Variants in KLHL34 observed in about 807,000 individuals in gnomAD.
KLHL34 encodes kelch-like protein 34.
In KLHL34, 24 loss-of-function variants were observed where a neutral mutation model predicts 23.8. The observed-to-expected ratio is 1.01, with a 90% CI of 0.73 to 1.42. KLHL34 has a LOEUF of 1.42. KLHL34 is among the 40% of genes most tolerant of loss of function. KLHL34 has a pLI of 0.00. For missense variants in KLHL34, 652 were observed against 595.1 expected, an observed-to-expected ratio of 1.10 and a Z score of -0.99; for synonymous variants, 303 against 287.9, an observed-to-expected ratio of 1.05 and a Z score of -0.53.
In KLHL34 at chrX:21,656,928, C is replaced by T. The variant is rs139183650; in HGVS notation, c.861G>A (p.Gly287=). ...CAATCACCACCTCCCGTGCCCTGCG[C>T]CCCCCCACCAACAAGATGCGGGTCT... ...SPQTRILLVG[G]RRAREVVIEE... Residue 287 remains glycine (G), a synonymous_variant, in exon 1 of 1, where the codon GGG becomes GGA. Coordinates refer to ENST00000379499, the MANE Select transcript of KLHL34 (RefSeq NM_153270.3). 3.1e-5 allele frequency: 36 copies of T among 1,156,686 alleles called. No individual in the cohort carries two copies. Among genetic ancestry groups the T allele is most frequent in the Non-Finnish European group, 3.8e-5 (33 of 868,067 alleles).
In KLHL34 at chrX:21,657,191, C is replaced by T; in HGVS notation, c.598G>A (p.Ala200Thr). 8.3e-7 allele frequency: 1 copy of T among 1,203,327 alleles called. No homozygotes were observed. The highest frequency in any genetic ancestry group is 1.1e-6 in the Non-Finnish European group (1 of 892,271). Residue 200 changes from alanine (A) to threonine (T), a missense_variant, in exon 1 of 1, where the codon GCG becomes ACG. Physicochemically the swap from Ala to Thr is moderately conservative, Grantham distance 58. Coordinates refer to ENST00000379499, the MANE Select transcript of KLHL34 (RefSeq NM_153270.3). ...GGCTCCTGCCGCAACCAAGCTAACG[C>T]CAGGCCCAGTAGCCGGGCCTCGGGC... Reference protein sequence around the residue: ...RVPEARLLGLALAWLRQEPTT... With the variant: ...RVPEARLLGLTLAWLRQEPTT...
In KLHL34 at chrX:21,656,811, C is replaced by CTCCTCCTCT. The variant is rs1425531740; in HGVS notation, c.969_977dup (p.Glu327_Glu329dup). On this transcript the variant is annotated inframe_insertion, in exon 1 of 1. Coordinates refer to ENST00000379499, the MANE Select transcript of KLHL34 (RefSeq NM_153270.3). ...TCTGGGTGAGCTCCCACTCCTCCTC[C>CTCCTCCTCT]TCCTCCTCTTCCTCCAACTCTTCCT... is the stretch of plus-strand genomic sequence containing the variant. 1 of 1,192,343 alleles carries CTCCTCCTCT rather than the reference C, an allele frequency of 8.4e-7. No individual in the cohort carries two copies. Among genetic ancestry groups the CTCCTCCTCT allele is most frequent in the African/African-American group, 1.7e-5 (1 of 57,275 alleles).
Position 21,656,978 on chromosome X carries a change from C to G in KLHL34, c.811G>C (p.Glu271Gln). ...TPSRQPLMQG[E>Q]QTSIRSPQTR... is the part of the protein sequence containing the mutation. ...TGGGGGCTCCGGATGCTGGTCTGCT[C>G]GCCCTGCATGAGCGGCTGGCGGGAG... The change falls in exon 1 of 1, where the codon GAG becomes CAG. Residue 271 changes from glutamate (E) to glutamine (Q), a missense_variant. Physicochemically the swap from Glu to Gln is conservative, Grantham distance 29. Coordinates refer to ENST00000379499, the MANE Select transcript of KLHL34 (RefSeq NM_153270.3). The G allele has an allele frequency of 8.6e-7, 1 of 1,160,919 alleles. No individual in the cohort carries two copies. Among genetic ancestry groups the G allele is most frequent in the South Asian group, 2.0e-5 (1 of 49,390 alleles).
chrX:21,656,512 C>G lies in KLHL34; in HGVS notation c.1277G>C (p.Arg426Thr). Residue 426 changes from arginine to threonine, a missense_variant, in exon 1 of 1, where the codon AGG becomes ACG. By Grantham distance (71) the Arg-to-Thr change is moderately conservative (BLOSUM62 -1). Transcript: ENST00000379499. The stretch of plus-strand genomic sequence containing the variant: ...ACCCAGGCCCCCGACGGCCAGGAGC[C>G]TCTCGCCCACCGCGCCGCACCAGAA... ...AHFWCGAVGE[R>T]LLAVGGLGAG... 1 of 1,197,178 alleles carries G rather than the reference C, an allele frequency of 8.4e-7. No individual in the cohort carries two copies. Among genetic ancestry groups the G allele is most frequent in the East Asian group, 3.0e-5 (1 of 33,072 alleles).
rs1414080345 is a variant in KLHL34 at position 21,656,699 on chromosome X, C to T, written c.1090G>A (p.Ala364Thr). Reference protein sequence around the residue: ...TPLLGHSVCTAGNFLFVLGGE... With the variant: ...TPLLGHSVCTTGNFLFVLGGE... ...CCCAGGACAAACAGGAAGTTGCCCG[C>T]GGTGCACACGCTGTGCCCCAGCAGT... The change falls in exon 1 of 1, where the codon GCG becomes ACG. Residue 364 changes from alanine to threonine, a missense_variant. Ala to Thr is a moderately conservative substitution (Grantham distance 58). Coordinates refer to ENST00000379499, the MANE Select transcript of KLHL34 (RefSeq NM_153270.3). 3 of 1,208,973 alleles carry T rather than the reference C, an allele frequency of 2.5e-6. No homozygotes were observed. The highest frequency in any genetic ancestry group is 1.8e-5 in the South Asian group (1 of 56,291).
In KLHL34 at chrX:21,657,994, C is replaced by T; in HGVS notation, c.-206G>A. ...GTGCCCCTCTCAGAGCAAATCCAGT[C>T]TGGAAACGGTTTTCGGAGGCCCCTA... On this transcript the variant is annotated 5_prime_UTR_variant, in exon 1 of 1. Transcript: ENST00000379499. The T allele has an allele frequency of 1.9e-6, 1 of 539,808 alleles. No homozygotes were observed. Among genetic ancestry groups the T allele is most frequent in the East Asian group, 4.1e-5 (1 of 24,565 alleles). 44.5% of individuals were successfully genotyped at this position (539,808 alleles called of 1,213,427 possible).
chrX:21,656,030 C>T lies in KLHL34; in HGVS notation c.1759G>A (p.Val587Met). ...GGLKWRDSRQ[V>M]PTRNVVGYDL... ...TAGCCCACTACGTTGCGGGTAGGCA[C>T]CTGGCGCGAGTCCCGCCACTTGAGG... The change falls in exon 1 of 1, where the codon GTG (valine) becomes ATG (methionine). Residue 587 changes from valine to methionine, a missense_variant. Physicochemically the swap from Val to Met is conservative, Grantham distance 21. Transcript: ENST00000379499. The T allele has an allele frequency of 8.3e-7, 1 of 1,202,357 alleles. No homozygotes were observed. The highest frequency in any genetic ancestry group is 1.1e-6 in the Non-Finnish European group (1 of 890,129).
chrX:21,657,254 G>T lies in KLHL34; in HGVS notation c.535C>A (p.Leu179Met). Residue 179 changes from leucine to methionine, a missense_variant, in exon 1 of 1, where the codon CTG becomes ATG. Physicochemically the swap from Leu to Met is conservative, Grantham distance 15. Coordinates refer to ENST00000379499, the MANE Select transcript of KLHL34 (RefSeq NM_153270.3). ...TCGGGGGCACCCAGTACAGCCCTCA[G>T]CGATGTAGGGTTGAGCTCCAGGAGT... ...AGLLELNPTS[L>M]RAVLGAPDVA... The T allele has an allele frequency of 8.5e-7, 1 of 1,175,079 alleles. No homozygotes were observed. Among genetic ancestry groups the T allele is most frequent in the South Asian group, 1.9e-5 (1 of 52,385 alleles).
At position 21,656,494 on chromosome X, in the gene KLHL34, C is replaced by T. The variant is rs1298444787; in HGVS notation, c.1295G>A (p.Gly432Asp). Reference sequence around the variant, plus strand: ...CAGCACCTCACCGCCCGCACCCAGGCCCCCGACGGCCAGGAGCCTCTCGCC... The same window carrying T: ...CAGCACCTCACCGCCCGCACCCAGGTCCCCGACGGCCAGGAGCCTCTCGCC... Reference protein sequence around the residue: ...AVGERLLAVGGLGAGGEVLAS... With the variant: ...AVGERLLAVGDLGAGGEVLAS... Residue 432 changes from glycine (G) to aspartate (D), a missense_variant, in exon 1 of 1, where the codon GGC becomes GAC. Transcript: ENST00000379499. 4.2e-6 allele frequency: 5 copies of T among 1,196,235 alleles called. No individual in the cohort carries two copies. The highest frequency in any genetic ancestry group is 1.8e-5 in the South Asian group (1 of 55,283).
In KLHL34 at chrX:21,655,794, T is replaced by A. The variant is rs1015236092; in HGVS notation, c.*60A>T. 8.9e-7 allele frequency: 1 copy of A among 1,118,867 alleles called. No individual in the cohort carries two copies. Among genetic ancestry groups the A allele is most frequent in the African/African-American group, 1.8e-5 (1 of 54,501 alleles). 92.2% of individuals were successfully genotyped at this position (1,118,867 alleles called of 1,213,427 possible). On this transcript the variant is annotated 3_prime_UTR_variant, in exon 1 of 1. Transcript: ENST00000379499. ...CTTAGAAAAAGCCCATCCGTTGCTC[T>A]GTAAGACTAACCAAGCGCGACTTTC...
At position 21,657,744 on chromosome X, in the gene KLHL34, CA is replaced by C. The variant is rs2092735613; in HGVS notation, c.44del (p.Leu15ArgfsTer17). The C allele has an allele frequency of 1.3e-5, 16 of 1,198,495 alleles. No individual in the cohort carries two copies. The Admixed American group carries it at 3.5e-4, about 26-fold the overall frequency. On this transcript the variant is annotated frameshift_variant, in exon 1 of 1. Coordinates refer to ENST00000379499, the MANE Select transcript of KLHL34 (RefSeq NM_153270.3). LOFTEE classifies it high-confidence loss of function. ...LSYCKAHGGA[L>X]LTGYQALRAE... ...CGCGCAGGGCCTGGTAGCCGGTGAG[CA>C]GCGCGCCGCCATGAGCTTTGCAGTA...
In KLHL34 at chrX:21,657,717, G is replaced by A. The variant is rs766697400; in HGVS notation, c.72C>T (p.Ala24=). Reference sequence around the variant, plus strand: ...GTGTCACGTCGCACAGGAAGCCCTCGGCGCGCAGGGCCTGGTAGCCGGTGA... The same window carrying A: ...GTGTCACGTCGCACAGGAAGCCCTCAGCGCGCAGGGCCTGGTAGCCGGTGA... ...ALLTGYQALR[A]EGFLCDVTLE... Residue 24 remains alanine, a synonymous_variant, in exon 1 of 1, where the codon GCC becomes GCT. Coordinates refer to ENST00000379499, the MANE Select transcript of KLHL34 (RefSeq NM_153270.3). 56 of 1,202,499 alleles carry A rather than the reference G, an allele frequency of 4.7e-5. No individual in the cohort carries two copies. Among genetic ancestry groups the A allele is most frequent in the Non-Finnish European group, 5.7e-5 (51 of 893,636 alleles).
In KLHL34 at chrX:21,655,759, G is replaced by A. The variant is rs12861135; in HGVS notation, c.*95C>T. The A allele has an allele frequency of 1.9e-6, 2 of 1,075,324 alleles. No homozygotes were observed. The highest frequency in any genetic ancestry group is 2.4e-6 in the Non-Finnish European group (2 of 828,279). The allele number at this position is 1,075,324 out of a possible 1,213,427, so 88.6% of individuals were successfully genotyped here. ...ACCTTCAGAAGCCACTCTGCTCCCA[G>A]AATCCCTTTCTTAGAAAAAGCCCAT... is the stretch of plus-strand genomic sequence containing the variant. On this transcript the variant is annotated 3_prime_UTR_variant, in exon 1 of 1. Transcript: ENST00000379499.
Position 21,656,298 on chromosome X carries a change from G to C in KLHL34, c.1491C>G (p.Tyr497Ter). ...AAACCTGCTCCTCAGGGCCCAGGAC[G>C]TATAAGTCCCGGAGGCTGCTCGCTC... Reference protein sequence around the residue: ...EGGASSLRDLYVLGPEEQVWS... With the variant: ...EGGASSLRDL Residue 497 changes from tyrosine to a stop codon, truncating the protein, a stop_gained, in exon 1 of 1, where the codon TAC becomes TAG. Transcript: ENST00000379499. LOFTEE classifies it high-confidence loss of function. 1 of 1,201,789 alleles carries C rather than the reference G, an allele frequency of 8.3e-7. No individual in the cohort carries two copies. Among genetic ancestry groups the C allele is most frequent in the Non-Finnish European group, 1.1e-6 (1 of 890,643 alleles).
chrX:21,657,072 G>A lies in KLHL34; in HGVS notation c.717C>T (p.Gly239=). Residue 239 remains glycine (G), a synonymous_variant, in exon 1 of 1, where the codon GGC becomes GGT. Coordinates refer to ENST00000379499, the MANE Select transcript of KLHL34 (RefSeq NM_153270.3). ...CCCGGGCGGGCAGCACGAGGCCAGA[G>A]CCCGAGTACACGCGCCGCAGTACGT... ...PADVLRRVYS[G]SGLVLPARVK... is the part of the protein sequence containing the mutation. 1 of 1,198,979 alleles carries A rather than the reference G, an allele frequency of 8.3e-7. No individual in the cohort carries two copies. Among genetic ancestry groups the A allele is most frequent in the Non-Finnish European group, 1.1e-6 (1 of 888,934 alleles).
chrX:21,657,553 C>G lies in KLHL34; in HGVS notation c.236G>C (p.Gly79Ala). Residue 79 changes from glycine to alanine, a missense_variant, in exon 1 of 1, where the codon GGC becomes GCC. Transcript: ENST00000379499. ...GATGAAGTCCAGCAGGCGCTGCAGG[C>G]CGGCTGCCGATGGCACGTGCAGGTG... The part of the protein sequence containing the change: ...VIHLHVPSAA[G>A]LQRLLDFIYT... The G allele has an allele frequency of 8.3e-7, 1 of 1,209,823 alleles. No homozygotes were observed.
Position 21,657,676 on chromosome X carries a change from C to T in KLHL34, c.113G>A (p.Ser38Asn). The part of the protein sequence containing the change: ...LCDVTLETEG[S>N]EFPAHRSLLA... The stretch of plus-strand genomic sequence containing the variant: ...GAGCGACCTGTGCGCCGGGAATTCG[C>T]TGCCCTCGGTCTCCAGTGTCACGTC... Residue 38 changes from serine to asparagine, a missense_variant, in exon 1 of 1, where the codon AGC (serine) becomes AAC (asparagine). Transcript: ENST00000379499. 1 of 1,206,206 alleles carries T rather than the reference C, an allele frequency of 8.3e-7. No homozygotes were observed. Among genetic ancestry groups the T allele is most frequent in the Non-Finnish European group, 1.1e-6 (1 of 894,857 alleles).
Position 21,657,681 on chromosome X carries a change from C to T in KLHL34, c.108G>A (p.Glu36=), listed in dbSNP as rs1437514542. 8.3e-7 allele frequency: 1 copy of T among 1,206,050 alleles called. No individual in the cohort carries two copies. Among genetic ancestry groups the T allele is most frequent in the Non-Finnish European group, 1.1e-6 (1 of 894,824 alleles). Residue 36 remains glutamate (E), a synonymous_variant, in exon 1 of 1, where the codon GAG becomes GAA. Coordinates refer to ENST00000379499, the MANE Select transcript of KLHL34 (RefSeq NM_153270.3). ...ACCTGTGCGCCGGGAATTCGCTGCC[C>T]TCGGTCTCCAGTGTCACGTCGCACA... ...GFLCDVTLET[E]GSEFPAHRSL...
chrX:21,657,470 T>G lies in KLHL34; in HGVS notation c.319A>C (p.Ser107Arg). The G allele has an allele frequency of 8.3e-7, 1 of 1,209,560 alleles. No individual in the cohort carries two copies. The stretch of plus-strand genomic sequence containing the variant: ...AGGGCCTCAGTGACCTGCAGGTAGC[T>G]GGCGGCCTCCAGAGTGTCCTCTACA... The part of the protein sequence containing the change: ...DTVEDTLEAA[S>R]YLQVTEALGL... The change falls in exon 1 of 1, where the codon AGC becomes CGC. Residue 107 changes from serine (S) to arginine (R), a missense_variant. Ser to Arg is a moderately radical substitution (Grantham distance 110). Coordinates refer to ENST00000379499, the MANE Select transcript of KLHL34 (RefSeq NM_153270.3).
Sources: allele counts gnomAD v4.1 joint callset, GRCh38; gene constraint gnomAD v4.1.1; transcripts MANE v1.5; gene names NCBI Gene and HGNC (gene_info 2026-07-23, HGNC 2026-07-21).